Variants in TAFA2 observed in about 807,000 individuals in gnomAD.
TAFA2 encodes the protein chemokine-like protein TAFA-2.
Under a neutral mutation model 18.8 loss-of-function variants are expected in TAFA2, and 7 were observed. The observed-to-expected ratio is 0.37, with a 90% CI of 0.21 to 0.70. The LOEUF (loss-of-function observed/expected upper bound fraction) is 0.70. TAFA2 is among the 30% of genes least tolerant of loss of function. The pLI, the probability that TAFA2 is intolerant of heterozygous loss-of-function variation, is 0.53. For missense variants in TAFA2, 122 were observed against 158.1 expected (o/e 0.77, Z 1.23); for synonymous variants, 60 against 54.2 (o/e 1.11, Z -0.47).
intron 1 of TAFA2, among the ~76,000 whole-genome samples, chr12:62,164,048 A>C (rs2062423379): frequency 1.3e-5 from 2 of 152,168 alleles, no homozygotes; most frequent in African/African-American, 4.8e-5. Context: ...AATGTTATGA[A>C]TAGTCTTGTT....
At chr12:61,896,972 G>A (rs967093402) in intron 1 of TAFA2, among the ~76,000 whole-genome samples, 2 of 152,078 alleles carry the variant, frequency 1.3e-5, no homozygotes, top group African/African-American at 4.8e-5. Context: ...TGAGGGTCCA[G>A]ATGATCTCAA....
intron 1 of TAFA2, among the ~76,000 whole-genome samples, chr12:61,894,632 C>A (rs1875765517): frequency 6.6e-6 from 1 of 152,182 alleles, no homozygotes; most frequent in Non-Finnish European, 1.5e-5. Flanking sequence ...TACATGAACA[C>A]AATTATCCCA....
At chr12:62,050,866 C>A (rs763191496) in intron 1 of TAFA2, among the ~76,000 whole-genome samples, 1 of 152,252 alleles carries the variant, frequency 6.6e-6, no homozygotes, top group Middle Eastern at 3.4e-3. Context: ...CTATAAATTA[C>A]AGTTTTATAT....
At chr12:62,213,838 C>G (rs1359722209) in intron 1 of TAFA2, among the ~76,000 whole-genome samples, 1 of 152,056 alleles carries the variant, frequency 6.6e-6, no homozygotes, top group Non-Finnish European at 1.5e-5. Context: ...AATAAGATAC[C>G]TTTCAAGATT....
At chr12:62,214,953 C>T (rs1017445043) in intron 1 of TAFA2, among the ~76,000 whole-genome samples, 2 of 152,130 alleles carry the variant, frequency 1.3e-5, no homozygotes, top group African/African-American at 4.8e-5. Flanking sequence ...TCTTTAAAGG[C>T]TCCATTTATT....
chr12:62,168,477 TA>T (rs1448063898), intron 1 of TAFA2, among the ~76,000 whole-genome samples: 1 of 152,152 alleles, frequency 6.6e-6, no homozygotes, highest in Non-Finnish European at 1.5e-5. Flanking sequence ...ACAAATGACC[TA>T]AATTATTCTG....
intron 2 of TAFA2, among the ~76,000 whole-genome samples, chr12:61,863,630 T>C (rs926042575): frequency 6.6e-6 from 1 of 152,194 alleles, no homozygotes; most frequent in African/African-American, 2.4e-5. Context: ...CCTGGATGGA[T>C]TGACCTTCAG....
At chr12:61,955,878 G>A (rs183123702) in intron 1 of TAFA2, among the ~76,000 whole-genome samples, 12 of 151,294 alleles carry the variant, frequency 7.9e-5, no homozygotes, top group Non-Finnish European at 1.6e-4. Context: ...CAATTTTTGG[G>A]GGGCCAGGAA....
intron 1 of TAFA2, among the ~76,000 whole-genome samples, chr12:62,249,273 A>T (rs2062900978): frequency 1.3e-4 from 2 of 15,230 alleles, no homozygotes; most frequent in African/African-American, 4.8e-4. Flanking sequence ...TTTTTTTCCT[A>T]AAAAAAAAAA....
At chr12:61,877,985 C>T (rs1874940344) in intron 1 of TAFA2, 1 of 446,832 alleles carries the variant, frequency 2.2e-6, no homozygotes. Flanking sequence ...ATTATTCAGC[C>T]TTAAAAAGAA....
intron 1 of TAFA2, among the ~76,000 whole-genome samples, chr12:62,095,434 A>G (rs1350955540): frequency 6.6e-6 from 1 of 152,166 alleles, no homozygotes; most frequent in Non-Finnish European, 1.5e-5. Flanking sequence ...CTAAAAGAAC[A>G]TGGTCAGGTC....
chr12:61,763,153 G>T (rs747410653), intron 2 of TAFA2, among the ~76,000 whole-genome samples: 1 of 152,032 alleles, frequency 6.6e-6, no homozygotes, highest in Non-Finnish European at 1.5e-5. Flanking sequence ...AATTTCAAAA[G>T]TTCTCATAAT....
chr12:61,872,794 T>C (rs190173110), intron 1 of TAFA2, among the ~76,000 whole-genome samples: 2 of 152,234 alleles, frequency 1.3e-5, no homozygotes, highest in African/African-American at 4.8e-5. Flanking sequence ...CTGCTTTTCA[T>C]AATCACCTTC....
chr12:62,152,660 G>A (rs1041405713), intron 1 of TAFA2, among the ~76,000 whole-genome samples: 2 of 152,162 alleles, frequency 1.3e-5, no homozygotes, highest in African/African-American at 2.4e-5. Context: ...TCTGATGGGG[G>A]CAGTGAATAA....
At chr12:61,793,610 T>TCC (rs891488434) in intron 2 of TAFA2, among the ~76,000 whole-genome samples, 1 of 151,740 alleles carries the variant, frequency 6.6e-6, no homozygotes, top group Non-Finnish European at 1.5e-5. Flanking sequence ...TTAACAACCT[T>TCC]CCCACTATGA....
chr12:61,773,818 A>G (rs1870137926), intron 2 of TAFA2, among the ~76,000 whole-genome samples: 1 of 152,008 alleles, frequency 6.6e-6, no homozygotes, highest in South Asian at 2.1e-4. Context: ...ACCAAGAACC[A>G]AAATTAAATG....
chr12:61,723,343 A>T (rs905105177), intron 4 of TAFA2, among the ~76,000 whole-genome samples: 1 of 152,164 alleles, frequency 6.6e-6, no homozygotes, highest in Non-Finnish European at 1.5e-5. Flanking sequence ...AATATTTATT[A>T]AATGAAAGAT....
At chr12:61,816,267 A>G (rs1008207818) in intron 2 of TAFA2, among the ~76,000 whole-genome samples, 3 of 151,264 alleles carry the variant, frequency 2.0e-5, no homozygotes, top group African/African-American at 7.4e-5. Flanking sequence ...AAGTGGAAAC[A>G]TGCAATATTT....
chr12:62,216,295 G>A (rs2062735689), intron 1 of TAFA2, among the ~76,000 whole-genome samples: 1 of 152,192 alleles, frequency 6.6e-6, no homozygotes, highest in South Asian at 2.1e-4. Flanking sequence ...ACCTTAGACT[G>A]TGGAATAAGA....
Sources: allele counts gnomAD v4.1 joint callset (sites outside exome capture counted in the v4.1 genomes callset), GRCh38; gene constraint gnomAD v4.1.1; transcripts MANE v1.5; gene names NCBI Gene and HGNC (gene_info 2026-07-23, HGNC 2026-07-21).